TRIM27: variants seen among roughly 807,000 people sequenced by gnomAD.
The protein encoded by TRIM27 is zinc finger protein RFP.
In TRIM27, 12 loss-of-function variants were observed where a neutral mutation model predicts 57.6. That is an observed-to-expected ratio of 0.21 (90% CI 0.13 to 0.34). The LOEUF (loss-of-function observed/expected upper bound fraction) is 0.34, where lower values mean the gene tolerates loss of function less well. Among genes scored for constraint, TRIM27 ranks in the 10% least tolerant of loss-of-function variants. TRIM27 has a pLI of 1.00. For synonymous variants in TRIM27, 266 were observed against 259.0 expected (o/e 1.03, Z -0.26); for missense variants, 403 against 656.8 (o/e 0.61, Z 4.22).
chr6:28,912,093 G>C (rs1015670333), intron 3 of TRIM27, among the ~76,000 whole-genome samples: 2 of 150,354 alleles, frequency 1.3e-5, no homozygotes, highest in Non-Finnish European at 3.0e-5. Flanking sequence ...TTAGTACAAA[G>C]AACTCCAGTA....
At position 28,909,036 on chromosome 6, in the gene TRIM27, C is replaced by G. The variant is rs1046626278; in HGVS notation, c.823G>C (p.Glu275Gln). 7 of 1,613,968 alleles carry G rather than the reference C, an allele frequency of 4.3e-6. No homozygotes were observed. The highest frequency in any genetic ancestry group is 5.9e-6 in the Non-Finnish European group (7 of 1,180,018). The stretch of plus-strand genomic sequence containing the variant: ...TTTTGGGCAAAAATGTGGATTTTCT[C>G]TTGCAAATCTGGAGGTGTGATCCAA... The part of the protein sequence containing the change: ...EPWITPPDLQ[E>Q]KIHIFAQKCL... The change falls in exon 5 of 8, where the codon GAG becomes CAG. Residue 275 changes from glutamate to glutamine, a missense_variant. Physicochemically the swap from Glu to Gln is conservative, Grantham distance 29 (BLOSUM62 2). Coordinates refer to ENST00000377199, the MANE Select transcript of TRIM27 (RefSeq NM_006510.5).
chr6:28,910,317 C>A (rs968180764), intron 4 of TRIM27, among the ~76,000 whole-genome samples: 1 of 141,068 alleles, frequency 7.1e-6, no homozygotes, highest in African/African-American at 2.8e-5. Flanking sequence ...AGACTACCTA[C>A]CTGCACATTT....
At chr6:28,910,333 T>G (rs1581494096) in intron 4 of TRIM27, among the ~76,000 whole-genome samples, 1 of 57,408 alleles carries the variant, frequency 1.7e-5, no homozygotes, top group Admixed American at 1.8e-4. Context: ...CATTTCTTAC[T>G]TTTTTTTTTC....
Position 28,904,785 on chromosome 6 carries a change from T to G in TRIM27, c.947-120A>C. 1 of 670,130 alleles carries G rather than the reference T, an allele frequency of 1.5e-6. No homozygotes were observed. The highest frequency in any genetic ancestry group is 2.5e-6 in the Non-Finnish European group (1 of 404,548). 41.5% of individuals were successfully genotyped at this position (670,130 alleles called of 1,614,324 possible). A position where few individuals can be genotyped will look rare whatever the true frequency, so the allele number is the denominator to read the frequency against. On this transcript the variant is annotated intron_variant, in intron 7 of 7. Transcript: ENST00000377199. The surrounding 1 kb of genome is among the most constrained non-coding windows in gnomAD (Gnocchi z 6.1). ...TTCCCACTGGAGGTTGCACGTATTT[T>G]ATTTAGAATATATTCTAAACTTCAC...
Position 28,904,771 on chromosome 6 carries a change from G to A in TRIM27, c.947-106C>T. ...CCAATAATAAGAGGTTCCCACTGGA[G>A]GTTGCACGTATTTTATTTAGAATAT... is the stretch of plus-strand genomic sequence containing the variant. On this transcript the variant is annotated intron_variant, in intron 7 of 7. Transcript: ENST00000377199. This position sits in a 1 kb window ranked among gnomAD's most constrained non-coding sequence, Gnocchi z 6.1. 1.4e-6 allele frequency: 1 copy of A among 730,518 alleles called. No individual in the cohort carries two copies. The highest frequency in any genetic ancestry group is 2.2e-6 in the Non-Finnish European group (1 of 457,824). 45.3% of individuals were successfully genotyped at this position (730,518 alleles called of 1,614,324 possible). A position where few individuals can be genotyped will look rare whatever the true frequency, so the allele number is the denominator to read the frequency against.
intron 1 of TRIM27, 31 bp downstream of exon 1, chr6:28,923,182 C>A: frequency 6.6e-7 from 1 of 1,513,860 alleles, no homozygotes; most frequent in Non-Finnish European, 8.9e-7. Context: ...GTCCGACTCG[C>A]GCTCCCGCCC....
At chr6:28,907,150 C>G in intron 7 of TRIM27, 86 bp downstream of exon 7, 1 of 1,290,054 alleles carries the variant, frequency 7.8e-7, no homozygotes, top group Non-Finnish European at 1.1e-6. Flanking sequence ...CAAATCTAAG[C>G]AATTTCCAAA....
chr6:28,907,995 A>C, intron 6 of TRIM27: 1 of 174,618 alleles, frequency 5.7e-6, no homozygotes, highest in Non-Finnish European at 1.2e-5. Context: ...GTAATTTCTA[A>C]TAATTAAGAG....
At chr6:28,922,032 T>TTA (rs772442814) in intron 1 of TRIM27, 45 bp from the exon 2 acceptor site, 9 of 1,392,152 alleles carry the variant, frequency 6.5e-6, no homozygotes, top group Non-Finnish European at 9.2e-6. Flanking sequence ...TAGGTAGACC[T>TTA]TAGCATCAGC....
In TRIM27 at chr6:28,923,270, G is replaced by C. The variant is rs1279092500; in HGVS notation, c.363C>G (p.Ser121=). 1 of 1,609,276 alleles carries C rather than the reference G, an allele frequency of 6.2e-7. No homozygotes were observed. The highest frequency in any genetic ancestry group is 8.5e-7 in the Non-Finnish European group (1 of 1,178,188). Residue 121 remains serine, a synonymous_variant, in exon 1 of 8, where the codon TCC becomes TCG. Transcript: ENST00000377199. ...QMPICVVCDR[S]REHRGHSVLP... ...GCACGCTGTGGCCGCGGTGCTCGCG[G>C]GAGCGGTCGCACACCACGCAGATGG... is the stretch of plus-strand genomic sequence containing the variant.
intron 6 of TRIM27, chr6:28,907,619 A>G: frequency 1.8e-6 from 1 of 564,640 alleles, no homozygotes; most frequent in South Asian, 1.5e-5. Context: ...TGAGTTGCAT[A>G]AGTCATCTGT....
At position 28,913,265 on chromosome 6, in the gene TRIM27, A is replaced by AT. The variant is rs1308876801; in HGVS notation, c.748-1548_748-1547insA. On this transcript the variant is annotated intron_variant, in intron 3 of 7. Coordinates refer to ENST00000377199, the MANE Select transcript of TRIM27 (RefSeq NM_006510.5). The stretch of plus-strand genomic sequence containing the variant: ...AGTGAAACTCCATCTCAAAAAAAAA[A>AT]AAAAATATATATATATATATATAAT... Among the ~76,000 whole-genome samples the AT allele has an allele frequency of 7.1e-3, 991 of 139,446 alleles. 16 individuals carry two copies. The highest frequency in any genetic ancestry group is 0.026 in the African/African-American group (911 of 35,400). 91.5% of individuals were successfully genotyped at this position (139,446 alleles called of 152,430 possible).
chr6:28,921,175 G>A (rs1172540243), intron 2 of TRIM27, among the ~76,000 whole-genome samples: 1 of 152,178 alleles, frequency 6.6e-6, no homozygotes, highest in Non-Finnish European at 1.5e-5. Flanking sequence ...GAGGTCGGGA[G>A]TTCGAGACCA....
intron 3 of TRIM27, among the ~76,000 whole-genome samples, chr6:28,912,106 CTTTTTT>C (rs9280507): frequency 1.5e-5 from 2 of 136,352 alleles, no homozygotes; most frequent in African/African-American, 5.4e-5. Flanking sequence ...CTCCAGTATA[CTTTTTT>C]TTTTTTTTTT....
In TRIM27 at chr6:28,923,684, A is replaced by G; in HGVS notation, c.-52T>C. 1.4e-6 allele frequency: 2 copies of G among 1,451,108 alleles called. No individual in the cohort carries two copies. The highest frequency in any genetic ancestry group is 9.1e-7 in the Non-Finnish European group (1 of 1,093,650). The allele number at this position is 1,451,108 out of a possible 1,614,324, so 89.9% of individuals were successfully genotyped here. The stretch of plus-strand genomic sequence containing the variant: ...CATGGGCCCCGGCGCCGAGCTCTGC[A>G]CTGAGCCCAACTCTCCGGCGCTCTC... On this transcript the variant is annotated 5_prime_UTR_variant, in exon 1 of 8. Coordinates refer to ENST00000377199, the MANE Select transcript of TRIM27 (RefSeq NM_006510.5).
intron 3 of TRIM27, among the ~76,000 whole-genome samples, chr6:28,912,112 T>C (rs1278674593): frequency 8.6e-5 from 13 of 151,514 alleles, no homozygotes; most frequent in Non-Finnish European, 1.8e-4. Flanking sequence ...TATACTTTTT[T>C]TTTTTTTTTT....
chr6:28,911,352 G>T (rs545716499), intron 4 of TRIM27: 3 of 215,752 alleles, frequency 1.4e-5, no homozygotes, highest in East Asian at 9.1e-5. Context: ...AAAAAAAAAT[G>T]AGATAATGAA....
intron 6 of TRIM27, chr6:28,908,054 G>C (rs1399929530): frequency 5.9e-6 from 1 of 169,012 alleles, no homozygotes; most frequent in Non-Finnish European, 1.3e-5. Flanking sequence ...GACTGCCCAG[G>C]AATTTTAGTA....
intron 7 of TRIM27, chr6:28,906,648 CCTT>C (rs1254116774): frequency 1.3e-5 from 2 of 152,288 alleles, no homozygotes; most frequent in Non-Finnish European, 1.5e-5. Flanking sequence ...TATGTAGAGT[CCTT>C]CTCTTCATTT....
Sources: allele counts gnomAD v4.1 joint callset (sites outside exome capture counted in the v4.1 genomes callset), GRCh38; gene constraint gnomAD v4.1.1; non-coding constraint Gnocchi (gnomAD v3.1); transcripts MANE v1.5; gene names NCBI Gene and HGNC (gene_info 2026-07-23, HGNC 2026-07-21).